HACE1: variants seen among roughly 807,000 people sequenced by gnomAD.
HACE1 encodes the protein HECT domain and ankyrin repeat containing E3 ubiquitin protein ligase 1, also known as E3 ubiquitin-protein ligase HACE1.
HACE1 carries 73 observed loss-of-function variants against 118.4 expected under a neutral mutation model. That is an observed-to-expected ratio of 0.62 (90% CI 0.51 to 0.75). HACE1 has a LOEUF of 0.75. Among genes scored for constraint, HACE1 ranks in the 30% least tolerant of loss-of-function variants. HACE1 has a pLI of 0.00. For missense variants in HACE1, 749 were observed against 1,102.2 expected (o/e 0.68, Z 4.54); for synonymous variants, 368 against 374.8 (o/e 0.98, Z 0.21).
chr6:104,859,750 C>G lies in HACE1; in HGVS notation c.-108G>C, dbSNP rs1031830527. The G allele has an allele frequency of 1.9e-6, 2 of 1,037,546 alleles. No homozygotes were observed. The highest frequency in any genetic ancestry group is 3.3e-5 in the African/African-American group (2 of 59,950). 64.3% of individuals were successfully genotyped at this position (1,037,546 alleles called of 1,614,324 possible). A position where few individuals can be genotyped will look rare whatever the true frequency, so the allele number is the denominator to read the frequency against. ...CCCGTCCAGCAGGCGGAGACGCGGG[C>G]TTGCCCCGGCTAGAGCACTGAGCTG... On this transcript the variant is annotated 5_prime_UTR_variant, in exon 1 of 24. Coordinates refer to ENST00000262903, the MANE Select transcript of HACE1 (RefSeq NM_020771.4).
chr6:104,775,352 C>T (rs542234842), intron 17 of HACE1, among the ~76,000 whole-genome samples: 77 of 151,878 alleles, frequency 5.1e-4, no homozygotes, highest in Non-Finnish European at 8.8e-5. Context: ...CCACTGCCCT[C>T]TAGCCTGGGT....
chr6:104,785,616 T>G (rs1231914202), intron 11 of HACE1: 1 of 334,958 alleles, frequency 3.0e-6, no homozygotes, highest in Non-Finnish European at 5.6e-6. Context: ...CTTTTAATTT[T>G]CAAATGTTTA....
At chr6:104,773,949 T>C (rs901535743) in intron 17 of HACE1, among the ~76,000 whole-genome samples, 1 of 152,014 alleles carries the variant, frequency 6.6e-6, no homozygotes, top group Non-Finnish European at 1.5e-5. Context: ...TATACAATAA[T>C]ATCATTTTCA....
chr6:104,842,453 AG>A (rs1433755180), intron 5 of HACE1: 1 of 151,640 alleles, frequency 6.6e-6, no homozygotes, highest in South Asian at 2.1e-4. Context: ...AAAATACAAA[AG>A]TTTTTTTTTT....
intron 22 of HACE1, among the ~76,000 whole-genome samples, chr6:104,735,331 T>C (rs1775695695): frequency 6.6e-6 from 1 of 152,026 alleles, no homozygotes; most frequent in African/African-American, 2.4e-5. Flanking sequence ...AAATAAATTA[T>C]ATGAAAGTAA....
chr6:104,851,661 T>TA (rs1437285080), intron 2 of HACE1, among the ~76,000 whole-genome samples: 5 of 152,216 alleles, frequency 3.3e-5, no homozygotes, highest in Admixed American at 2.6e-4. Flanking sequence ...CTAGCTATAT[T>TA]AATTTTGGCC....
intron 1 of HACE1, among the ~76,000 whole-genome samples, chr6:104,854,481 T>C (rs1182470821): frequency 6.6e-6 from 1 of 152,204 alleles, no homozygotes; most frequent in Admixed American, 6.5e-5. Context: ...GTAAGTTTTC[T>C]GTAAGTTTAA....
intron 22 of HACE1, among the ~76,000 whole-genome samples, chr6:104,742,159 T>C (rs1366742846): frequency 2.3e-5 from 3 of 130,802 alleles, no homozygotes; most frequent in African/African-American, 6.6e-5. Flanking sequence ...CAAAAATCAA[T>C]TCAAGATGGA....
chr6:104,810,765 C>A (rs954355723), intron 7 of HACE1, among the ~76,000 whole-genome samples: 3 of 151,812 alleles, frequency 2.0e-5, no homozygotes, highest in African/African-American at 7.3e-5. Context: ...AGAAAATGAA[C>A]CAATAAAGAA....
At chr6:104,795,825 A>AAGCTAAT (rs1769561556) in intron 9 of HACE1, 140 bp from the exon 10 acceptor site, 2 of 631,996 alleles carry the variant, frequency 3.2e-6, no homozygotes, top group South Asian at 3.8e-5. Context: ...ATAAGTTTAA[A>AAGCTAAT]AGCTAATATA....
chr6:104,791,355 A>G, intron 11 of HACE1, 149 bp downstream of exon 11: 1 of 695,678 alleles, frequency 1.4e-6, no homozygotes, highest in Non-Finnish European at 2.6e-6. Context: ...CAGAGTTGAG[A>G]GGAGAAAGGT....
chr6:104,840,960 T>C (rs1481328740), intron 5 of HACE1, among the ~76,000 whole-genome samples: 2 of 151,310 alleles, frequency 1.3e-5, no homozygotes, highest in Admixed American at 1.3e-4. Context: ...TGAAACTCTG[T>C]CTCAAAAAAT....
chr6:104,837,226 C>A lies in HACE1; in HGVS notation c.403-4053G>T, dbSNP rs984422159. On this transcript the variant is annotated intron_variant, in intron 5 of 23. Coordinates refer to ENST00000262903, the MANE Select transcript of HACE1 (RefSeq NM_020771.4). Reference sequence around the variant, plus strand: ...GACAAAGTGAGAGGAATTATTCTACCTGGTATTAAGACTTACAGCTACAGT... The same window carrying A: ...GACAAAGTGAGAGGAATTATTCTACATGGTATTAAGACTTACAGCTACAGT... Among the ~76,000 whole-genome samples the A allele has an allele frequency of 3.3e-5, 5 of 152,150 alleles. No homozygotes were observed. In the South Asian group the frequency reaches 1.0e-3, roughly 32 times the overall value.
At chr6:104,841,357 C>T (rs963314106) in intron 5 of HACE1, among the ~76,000 whole-genome samples, 1 of 152,148 alleles carries the variant, frequency 6.6e-6, no homozygotes, top group African/African-American at 2.4e-5. Flanking sequence ...GCAATTAAAA[C>T]AGATTATATT....
At chr6:104,736,219 T>C (rs1288738307) in intron 22 of HACE1, among the ~76,000 whole-genome samples, 3 of 151,612 alleles carry the variant, frequency 2.0e-5, no homozygotes, top group African/African-American at 7.2e-5. Flanking sequence ...CAAAAAAAAG[T>C]TTTTCTTTTA....
At position 104,744,166 on chromosome 6, in the gene HACE1, G is replaced by C; in HGVS notation, c.2507C>G (p.Thr836Arg). The change falls in exon 22 of 24, where the codon ACG (threonine) becomes AGG (arginine). Residue 836 changes from threonine (T) to arginine (R), a missense_variant. Physicochemically the swap from Thr to Arg is moderately conservative, Grantham distance 71. This residue lies in a region of HACE1 where 165 missense variants were observed against 229.9 expected (regional missense o/e 0.72). Transcript: ENST00000262903. ...EERVLLLQFV[T>R]GSSRVPHGGF... ...TCATAAAAATACTGCTTACCTGCCC[G>C]TAACAAACTGTAAGAGAAGAACTCT... 6.3e-7 allele frequency: 1 copy of C among 1,577,188 alleles called. No individual in the cohort carries two copies. The highest frequency in any genetic ancestry group is 8.7e-7 in the Non-Finnish European group (1 of 1,146,606).
intron 19 of HACE1, among the ~76,000 whole-genome samples, chr6:104,759,263 A>G (rs371903327): frequency 1.3e-5 from 2 of 152,332 alleles, no homozygotes; most frequent in East Asian, 1.9e-4. Context: ...TCAGCACCAC[A>G]TCGCACTTAT....
Position 104,784,121 on chromosome 6 carries a change from A to G in HACE1, c.1531T>C (p.Leu511=), listed in dbSNP as rs1782072740. ...HFHFLLECPE[L]MSRFMHIIKA... Reference sequence around the variant, plus strand: ...ATGATATGCATGAATCTTGACATCAACTCAGGACATTCAAGGAGAAAGTGA... The same window carrying G: ...ATGATATGCATGAATCTTGACATCAGCTCAGGACATTCAAGGAGAAAGTGA... The change falls in exon 14 of 24, where the codon TTG becomes CTG. Residue 511 remains leucine (L), a synonymous_variant. Transcript: ENST00000262903. 1 of 1,601,296 alleles carries G rather than the reference A, an allele frequency of 6.2e-7. No homozygotes were observed. The highest frequency in any genetic ancestry group is 1.3e-5 in the African/African-American group (1 of 74,682).
At chr6:104,853,513 A>C (rs1776439585) in intron 1 of HACE1, among the ~76,000 whole-genome samples, 1 of 152,166 alleles carries the variant, frequency 6.6e-6, no homozygotes, top group Non-Finnish European at 1.5e-5. Flanking sequence ...ATTATTTACA[A>C]AGATGAAACC....
Sources: gnomAD v4.1 joint callset for allele counts (sites outside exome capture counted in the v4.1 genomes callset) on GRCh38, gnomAD v4.1.1 for gene constraint, gnomAD v4.1.1 regional missense constraint, MANE v1.5 for transcripts, NCBI Gene and HGNC (gene_info 2026-07-23, HGNC 2026-07-21) for gene names.